Variants in ROBO1 observed in about 807,000 individuals in gnomAD.
ROBO1 encodes the protein roundabout guidance receptor 1.
In ROBO1, 149 loss-of-function variants were observed where a neutral mutation model predicts 195.9. The ratio of observed to expected loss-of-function variants is 0.76; its 90% CI spans 0.67 to 0.87. ROBO1 has a LOEUF of 0.87. ROBO1 is among the 40% of genes least tolerant of loss of function. The probability of loss-of-function intolerance (pLI) is 0.00; values close to 1 mark genes in which losing one functional copy is unlikely to be tolerated. For synonymous variants in ROBO1, 816 were observed against 733.2 expected, an observed-to-expected ratio of 1.11 and a Z score of -1.82; for missense variants, 1,933 against 2,068.3, an observed-to-expected ratio of 0.93 and a Z score of 1.27.
chr3:79,686,613 C>T (rs1947122408), intron 1 of ROBO1, among the ~76,000 whole-genome samples: 1 of 152,134 alleles, frequency 6.6e-6, no homozygotes, highest in Admixed American at 6.6e-5. Context: ...AACTCCCATT[C>T]ACAATTGCTT....
At chr3:79,061,340 C>T (rs911101721) in intron 3 of ROBO1, among the ~76,000 whole-genome samples, 5 of 151,760 alleles carry the variant, frequency 3.3e-5, no homozygotes, top group Non-Finnish European at 2.9e-5. Flanking sequence ...CACTGCTCAA[C>T]GAAATAAAAG....
chr3:78,613,895 C>G (rs1703956731), intron 28 of ROBO1, among the ~76,000 whole-genome samples: 1 of 152,144 alleles, frequency 6.6e-6, no homozygotes, highest in Non-Finnish European at 1.5e-5. Context: ...CCTGTAACAT[C>G]CTTCCTCCTC....
At chr3:78,793,069 A>G (rs571459117) in intron 4 of ROBO1, among the ~76,000 whole-genome samples, 66 of 151,762 alleles carry the variant, frequency 4.3e-4, no homozygotes, top group African/African-American at 1.4e-3. Context: ...AGCAGTGAGC[A>G]GTGATCTTGC....
chr3:78,861,561 G>A (rs989343114), intron 4 of ROBO1, among the ~76,000 whole-genome samples: 23 of 152,128 alleles, frequency 1.5e-4, no homozygotes, highest in African/African-American at 5.6e-4. Flanking sequence ...ATATTGCCAT[G>A]AATCTTCGGA....
chr3:79,215,019 GT>G (rs576976545), intron 2 of ROBO1, among the ~76,000 whole-genome samples: 92 of 151,994 alleles, frequency 6.1e-4, no homozygotes, highest in African/African-American at 2.0e-3. Flanking sequence ...TCTGTAAAAA[GT>G]TTTGCCAAAC....
chr3:79,664,906 C>T (rs568094156), intron 1 of ROBO1, among the ~76,000 whole-genome samples: 4 of 151,796 alleles, frequency 2.6e-5, no homozygotes, highest in South Asian at 2.1e-4. Flanking sequence ...TATCCCTGGG[C>T]GGAGAATATT....
chr3:79,735,960 T>A (rs546330013), intron 1 of ROBO1, among the ~76,000 whole-genome samples: 5 of 152,044 alleles, frequency 3.3e-5, no homozygotes, highest in Non-Finnish European at 7.4e-5. Flanking sequence ...CAATTATTTA[T>A]TGAGCACATA....
chr3:79,742,415 C>A (rs1281471544), intron 1 of ROBO1, among the ~76,000 whole-genome samples: 1 of 152,136 alleles, frequency 6.6e-6, no homozygotes, highest in Non-Finnish European at 1.5e-5. Flanking sequence ...TTTCAGGCTG[C>A]CGCTTCAGAG....
intron 2 of ROBO1, among the ~76,000 whole-genome samples, chr3:79,424,227 A>T (rs2038347921): frequency 6.6e-6 from 1 of 152,126 alleles, no homozygotes; most frequent in South Asian, 2.1e-4. Context: ...GGAAAAGGTG[A>T]CTGAGGCACT....
At chr3:79,219,772 C>T (rs2082107137) in intron 2 of ROBO1, among the ~76,000 whole-genome samples, 1 of 152,034 alleles carries the variant, frequency 6.6e-6, no homozygotes. Flanking sequence ...TCAAACACTA[C>T]TTTCAATCTT....
intron 2 of ROBO1, among the ~76,000 whole-genome samples, chr3:79,293,727 C>T (rs1464540648): frequency 6.6e-6 from 1 of 152,100 alleles, no homozygotes; most frequent in African/African-American, 2.4e-5. Flanking sequence ...AATGCTATCC[C>T]CATCAAGCTA....
intron 1 of ROBO1, among the ~76,000 whole-genome samples, chr3:79,745,646 A>C (rs1703841966): frequency 6.6e-6 from 1 of 152,182 alleles, no homozygotes; most frequent in Admixed American, 6.5e-5. Flanking sequence ...ACTCAGAAAA[A>C]AGTAAAGTGT....
At chr3:78,963,465 T>A (rs2041489154) in intron 3 of ROBO1, among the ~76,000 whole-genome samples, 1 of 145,852 alleles carries the variant, frequency 6.9e-6, no homozygotes, top group Admixed American at 6.9e-5. Flanking sequence ...GCATTTTTTT[T>A]AGAGAGAAGA....
intron 4 of ROBO1, among the ~76,000 whole-genome samples, chr3:78,850,979 G>A (rs2034022996): frequency 6.6e-6 from 1 of 151,726 alleles, no homozygotes; most frequent in Non-Finnish European, 1.5e-5. Flanking sequence ...GCTATTTTTT[G>A]CATTTTTAGT....
chr3:78,923,988 G>A (rs558545619), intron 4 of ROBO1, among the ~76,000 whole-genome samples: 1 of 151,900 alleles, frequency 6.6e-6, no homozygotes, highest in South Asian at 2.1e-4. Flanking sequence ...GAAAAAAAAG[G>A]TGATGTCTAA....
chr3:79,507,587 T>G (rs1217598176), intron 2 of ROBO1, among the ~76,000 whole-genome samples: 1 of 152,216 alleles, frequency 6.6e-6, no homozygotes, highest in African/African-American at 2.4e-5. Flanking sequence ...GTATTGTTCA[T>G]CATAAAGAAT....
At chr3:78,817,966 C>T (rs2030318927) in intron 4 of ROBO1, among the ~76,000 whole-genome samples, 1 of 152,144 alleles carries the variant, frequency 6.6e-6, no homozygotes, top group South Asian at 2.1e-4. Context: ...CAGTGGAGGA[C>T]ATTAGTCCCC....
At chr3:78,979,085 TC>T (rs2076939488) in intron 3 of ROBO1, among the ~76,000 whole-genome samples, 1 of 152,174 alleles carries the variant, frequency 6.6e-6, no homozygotes, top group Non-Finnish European at 1.5e-5. Flanking sequence ...GGTGAATGTT[TC>T]CCCAGACTGC....
intron 2 of ROBO1, among the ~76,000 whole-genome samples, chr3:79,328,224 G>T (rs2034295496): frequency 6.6e-6 from 1 of 152,032 alleles, no homozygotes; most frequent in Admixed American, 6.6e-5. Context: ...TACTTTAAGT[G>T]CAAATGCATC....
Sources: gnomAD v4.1 joint callset for allele counts (sites outside exome capture counted in the v4.1 genomes callset) on GRCh38, gnomAD v4.1.1 for gene constraint, MANE v1.5 for transcripts, NCBI Gene and HGNC (gene_info 2026-07-23, HGNC 2026-07-21) for gene names.